LRP1B: variants seen among roughly 807,000 people sequenced by gnomAD.
LRP1B encodes low-density lipoprotein receptor-related protein 1B.
In LRP1B, 217 loss-of-function variants were observed where a neutral mutation model predicts 556.6. The observed-to-expected ratio is 0.39, with a 90% CI of 0.35 to 0.44. The LOEUF is 0.44. LRP1B is among the 20% of genes least tolerant of loss of function. LRP1B has a pLI of 1.00. For missense variants in LRP1B, 5,053 were observed against 5,620.8 expected, an observed-to-expected ratio of 0.90 and a Z score of 3.23; for synonymous variants, 2,047 against 1,865.8, an observed-to-expected ratio of 1.10 and a Z score of -2.50.
intron 3 of LRP1B, among the ~76,000 whole-genome samples, chr2:141,401,146 C>G (rs1368069556): frequency 1.3e-5 from 2 of 152,136 alleles, no homozygotes; most frequent in African/African-American, 4.8e-5. Flanking sequence ...CCCTTACTGA[C>G]ATTAAAATAC....
intron 1 of LRP1B, among the ~76,000 whole-genome samples, chr2:141,916,159 A>G (rs1224299065): frequency 2.0e-5 from 3 of 152,198 alleles, no homozygotes; most frequent in Non-Finnish European, 4.4e-5. Context: ...AACAGCAAAG[A>G]CATAGAATCA....
At chr2:141,033,512 C>T (rs1176837931) in intron 11 of LRP1B, among the ~76,000 whole-genome samples, 2 of 149,106 alleles carry the variant, frequency 1.3e-5, no homozygotes, top group Non-Finnish European at 3.0e-5. Flanking sequence ...CAGTAAACAT[C>T]TGCTATGGAC....
chr2:141,186,662 T>C (rs1681272714), intron 7 of LRP1B, among the ~76,000 whole-genome samples: 1 of 151,972 alleles, frequency 6.6e-6, no homozygotes, highest in Non-Finnish European at 1.5e-5. Context: ...ATTTAAACAG[T>C]TATGAGGCTT....
intron 3 of LRP1B, among the ~76,000 whole-genome samples, chr2:141,454,176 A>G (rs1489345622): frequency 1.3e-5 from 2 of 152,224 alleles, no homozygotes; most frequent in Non-Finnish European, 2.9e-5. Flanking sequence ...TTAAAAGTAC[A>G]CAGACTGTCT....
chr2:140,544,528 G>A (rs1351644544), intron 43 of LRP1B, among the ~76,000 whole-genome samples: 1 of 151,974 alleles, frequency 6.6e-6, no homozygotes, highest in East Asian at 1.9e-4. Context: ...ATATGTCCAC[G>A]TGTTCTCATC....
chr2:140,370,724 T>A lies in LRP1B; in HGVS notation c.10994A>T (p.Glu3665Val), dbSNP rs377295181. 3 of 1,612,630 alleles carry A rather than the reference T, an allele frequency of 1.9e-6. No individual in the cohort carries two copies. In the African/African-American group the frequency reaches 4.0e-5, roughly 22 times the overall value. The change falls in exon 71 of 91, where the codon GAG (glutamate) becomes GTG (valine). Residue 3665 changes from glutamate (E) to valine (V), a missense_variant. Physicochemically the swap from Glu to Val is moderately radical, Grantham distance 121. Around this residue, in one of 5 missense-constraint regions of LRP1B, gnomAD observed 599 missense variants for 648.4 expected, o/e 0.92. Transcript: ENST00000389484. The stretch of plus-strand genomic sequence containing the variant: ...AAATACCTTACCTCTTTCACAGTTC[T>A]CTTCATCACTGCCATCCACACAGTC... ...IHDCVDGSDE[E>V]NCERGGNICR...
intron 3 of LRP1B, among the ~76,000 whole-genome samples, chr2:141,400,734 C>T (rs1030734384): frequency 1.3e-5 from 2 of 152,048 alleles, no homozygotes; most frequent in African/African-American, 4.8e-5. Context: ...GTCTCAATAT[C>T]TCCATGATTT....
At chr2:142,018,833 G>C in intron 1 of LRP1B, among the ~76,000 whole-genome samples, 1 of 151,568 alleles carries the variant, frequency 6.6e-6, no homozygotes, top group East Asian at 1.9e-4. Context: ...TCACTAGCAA[G>C]ATAAATGCCT....
At chr2:140,947,959 G>A (rs1695590874) in intron 20 of LRP1B, among the ~76,000 whole-genome samples, 1 of 152,090 alleles carries the variant, frequency 6.6e-6, no homozygotes, top group African/African-American at 2.4e-5. Context: ...AAAATGAGGT[G>A]CTCTAAATAA....
intron 41 of LRP1B, among the ~76,000 whole-genome samples, chr2:140,652,334 A>G (rs1170726881): frequency 1.3e-5 from 2 of 152,106 alleles, no homozygotes; most frequent in Admixed American, 1.3e-4. Context: ...CTGAATTATA[A>G]AATGACTAAA....
intron 3 of LRP1B, among the ~76,000 whole-genome samples, chr2:141,429,539 T>C (rs964967381): frequency 6.6e-6 from 1 of 152,182 alleles, no homozygotes; most frequent in Non-Finnish European, 1.5e-5. Context: ...GTTTGTTACA[T>C]AGGAAATGTA....
intron 83 of LRP1B, among the ~76,000 whole-genome samples, chr2:140,309,538 G>A (rs1398551562): frequency 6.6e-6 from 1 of 151,664 alleles, no homozygotes; most frequent in Non-Finnish European, 1.5e-5. Context: ...AGCAAAATTC[G>A]ACAGACTCTT....
intron 2 of LRP1B, among the ~76,000 whole-genome samples, chr2:141,631,502 T>C (rs1159029576): frequency 6.9e-6 from 1 of 144,174 alleles, no homozygotes; most frequent in African/African-American, 2.6e-5. Flanking sequence ...CTAGGTTCCA[T>C]GTAATCAAAA....
At chr2:140,416,922 T>C (rs1429658054) in intron 66 of LRP1B, among the ~76,000 whole-genome samples, 1 of 152,158 alleles carries the variant, frequency 6.6e-6, no homozygotes, top group African/African-American at 2.4e-5. Flanking sequence ...ACAAAGGTCA[T>C]CTGAGAGCTT....
At chr2:141,704,569 C>T (rs1454118436) in intron 2 of LRP1B, among the ~76,000 whole-genome samples, 1 of 151,912 alleles carries the variant, frequency 6.6e-6, no homozygotes, top group Non-Finnish European at 1.5e-5. Flanking sequence ...CAGTGCAGCC[C>T]CACGTCTTCT....
chr2:140,893,827 G>A (rs1553554498), intron 23 of LRP1B, among the ~76,000 whole-genome samples: 1 of 152,146 alleles, frequency 6.6e-6, no homozygotes, highest in Non-Finnish European at 1.5e-5. Flanking sequence ...AGCGACATAT[G>A]TGAAAGTGCT....
intron 1 of LRP1B, among the ~76,000 whole-genome samples, chr2:141,994,311 T>C (rs1239305720): frequency 1.3e-5 from 2 of 152,210 alleles, no homozygotes; most frequent in Non-Finnish European, 2.9e-5. Flanking sequence ...GAATGATTCA[T>C]CTCATAATAA....
At chr2:140,917,767 C>T (rs1440657945) in intron 21 of LRP1B, among the ~76,000 whole-genome samples, 1 of 151,994 alleles carries the variant, frequency 6.6e-6, no homozygotes, top group Non-Finnish European at 1.5e-5. Context: ...ATGATGGATA[C>T]ATGTCATCAT....
chr2:141,799,040 AGACCTT>A (rs1366024811), intron 2 of LRP1B, among the ~76,000 whole-genome samples: 2 of 152,090 alleles, frequency 1.3e-5, no homozygotes, highest in Non-Finnish European at 2.9e-5. Context: ...AACCCTACCG[AGACCTT>A]GATTTCAGAA....
Sources: gnomAD v4.1 joint callset for allele counts (sites outside exome capture counted in the v4.1 genomes callset) on GRCh38, gnomAD v4.1.1 for gene constraint, gnomAD v4.1.1 regional missense constraint, MANE v1.5 for transcripts, NCBI Gene and HGNC (gene_info 2026-07-23, HGNC 2026-07-21) for gene names.